The following ADSL variants were observed in gnomAD, a reference collection of about 807,000 sequenced individuals.
ADSL encodes the protein adenylosuccinate lyase.
Under a neutral mutation model 62.1 loss-of-function variants are expected in ADSL, and 44 were observed. The ratio of observed to expected loss-of-function variants is 0.71; its 90% confidence interval spans 0.56 to 0.91. The LOEUF (loss-of-function observed/expected upper bound fraction) is 0.91, where lower values mean the gene tolerates loss of function less well. ADSL is among the 40% of genes least tolerant of loss of function. The pLI, the probability that ADSL is intolerant of heterozygous loss-of-function variation, is 0.00. For missense variants in ADSL, 531 were observed against 627.4 expected (o/e 0.85, Z 1.64); for synonymous variants, 198 against 220.5 (o/e 0.90, Z 0.90).
chr22:40,364,946 G>T lies in ADSL; in HGVS notation c.1258G>T (p.Asp420Tyr). 1 of 1,614,192 alleles carries T rather than the reference G, an allele frequency of 6.2e-7. No homozygotes were observed. The highest frequency in any genetic ancestry group is 8.5e-7 in the Non-Finnish European group (1 of 1,180,036). The change falls in exon 12 of 13, where the codon GAC becomes TAC. Residue 420 changes from aspartate to tyrosine, a missense_variant. Asp to Tyr is a radical substitution (Grantham distance 160). Around this residue, in one of 2 missense-constraint regions of ADSL, gnomAD observed 471 missense variants for 592.9 expected, o/e 0.79. Transcript: ENST00000623063. ...AASVVKQEGG[D>Y]NDLIERIQVD... ...TTCTGTGGTTAAGCAGGAAGGGGGT[G>T]ACAATGACCTCATAGAGCGTATCCA...
In ADSL at chr22:40,349,940, G is replaced by T. The variant is rs1329100297; in HGVS notation, c.262G>T (p.Val88Leu). ...GGAAGAGAAACGTTTACGACATGATGTGATGGCTCACGTGCACACATTTGG... is the reference window on the plus strand; with the variant it reads ...GGAAGAGAAACGTTTACGACATGATTTGATGGCTCACGTGCACACATTTGG... ...AEEEKRLRHD[V>L]MAHVHTFGHC... The change falls in exon 2 of 13, where the codon GTG becomes TTG. Residue 88 changes from valine to leucine, a missense_variant. Transcript: ENST00000623063. 2.5e-6 allele frequency: 4 copies of T among 1,614,084 alleles called. No homozygotes were observed. The African/African-American group carries it at 5.3e-5, about 22-fold the overall frequency.
At chr22:40,381,300 A>G (rs1471582542) in intron 2 of ADSL, among the ~76,000 whole-genome samples, 1 of 152,040 alleles carries the variant, frequency 6.6e-6, no homozygotes, top group Non-Finnish European at 1.5e-5. Flanking sequence ...GGTGTGCACC[A>G]CCACACTCAG....
At chr22:40,348,121 G>C (rs989194763) in intron 1 of ADSL, among the ~76,000 whole-genome samples, 2 of 152,192 alleles carry the variant, frequency 1.3e-5, no homozygotes, top group African/African-American at 2.4e-5. Flanking sequence ...TAATAACTTA[G>C]TAGCTAAGAA....
downstream of ADSL, among the ~76,000 whole-genome samples, chr22:40,374,351 CTG>C (rs2046172333): frequency 6.6e-6 from 1 of 152,194 alleles, no homozygotes; most frequent in Non-Finnish European, 1.5e-5. Flanking sequence ...TTGGTCTAGA[CTG>C]TAGTGTCAAG....
chr22:40,361,582 A>G lies in ADSL; in HGVS notation c.957A>G (p.Leu319=), dbSNP rs1601589719. The G allele has an allele frequency of 6.2e-7, 1 of 1,614,228 alleles. No homozygotes were observed. The highest frequency in any genetic ancestry group is 1.1e-5 in the South Asian group (1 of 91,082). ...RHLMTLVMDP[L]QTASVQWFER... ...TGATGACCCTTGTCATGGACCCGCT[A>G]CAGACAGCATCTGTCCAGTGGTTTG... Residue 319 remains leucine, a synonymous_variant, in exon 9 of 13, where the codon CTA becomes CTG. Transcript: ENST00000623063.
At chr22:40,374,478 T>C (rs918189229) in intron 2 of ADSL, among the ~76,000 whole-genome samples, 5 of 152,226 alleles carry the variant, frequency 3.3e-5, no homozygotes, top group African/African-American at 1.2e-4. Context: ...TGAGCTACAA[T>C]TTCTTCTTTG....
At chr22:40,386,025 G>GT (rs68008146) in intron 2 of ADSL, among the ~76,000 whole-genome samples, 7,897 of 145,060 alleles carry the variant, frequency 0.054, 243 homozygotes, top group Non-Finnish European at 0.079. Flanking sequence ...CTAATTTTTT[G>GT]TTTTTTTTTT....
chr22:40,358,408 A>AC (rs71326801), intron 4 of ADSL, among the ~76,000 whole-genome samples: 1 of 151,996 alleles, frequency 6.6e-6, no homozygotes, highest in African/African-American at 2.4e-5. Flanking sequence ...ACAAAGTGAG[A>AC]CCCCGTCACT....
rs1204275119 is a variant in ADSL at position 40,367,522 on chromosome 22, T to G, written c.*1000T>G. On this transcript the variant is annotated 3_prime_UTR_variant, in exon 13 of 13. Coordinates refer to ENST00000623063, the MANE Select transcript of ADSL (RefSeq NM_000026.4). ...TTGTCTGTGTCATTCCTTGTTGTAT[T>G]TCCAATAGCAAGAGCACATCAGATA... The G allele has an allele frequency of 1.2e-5, 2 of 167,754 alleles. No homozygotes were observed. Among genetic ancestry groups the G allele is most frequent in the South Asian group, 4.1e-4 (2 of 4,824 alleles). The allele number at this position is 167,754 out of a possible 1,614,324, so 10.4% of individuals were successfully genotyped here. A position where few individuals can be genotyped will look rare whatever the true frequency, so the allele number is the denominator to read the frequency against.
chr22:40,383,470 A>G (rs2146822822), intron 2 of ADSL, among the ~76,000 whole-genome samples: 2 of 151,746 alleles, frequency 1.3e-5, no homozygotes, highest in Middle Eastern at 6.8e-3. Flanking sequence ...CTGTCTCAAA[A>G]AAAAAAAAAA....
chr22:40,371,500 A>G (rs997477420), downstream of ADSL, among the ~76,000 whole-genome samples: 2 of 152,146 alleles, frequency 1.3e-5, no homozygotes, highest in African/African-American at 4.8e-5. Flanking sequence ...CTGATTCACA[A>G]AAACTCATTT....
At chr22:40,356,693 G>A (rs1410516373) in intron 4 of ADSL, among the ~76,000 whole-genome samples, 1 of 150,662 alleles carries the variant, frequency 6.6e-6, no homozygotes, top group African/African-American at 2.4e-5. Context: ...AAAAAATAAA[G>A]TTAGCCAGGT....
chr22:40,371,091 A>G (rs946044112), downstream of ADSL, among the ~76,000 whole-genome samples: 9 of 152,168 alleles, frequency 5.9e-5, no homozygotes, highest in Admixed American at 2.6e-4. Context: ...ACTCCTCCTC[A>G]GGTTTAACTT....
chr22:40,376,484 A>G (rs1389707324), intron 2 of ADSL: 1 of 152,162 alleles, frequency 6.6e-6, no homozygotes, highest in East Asian at 1.9e-4. Flanking sequence ...TCGAGAACTT[A>G]CAAGTTATCT....
chr22:40,361,017 T>G, intron 7 of ADSL: 1 of 541,078 alleles, frequency 1.8e-6, no homozygotes, highest in South Asian at 1.9e-5. Context: ...AATCTTGTGA[T>G]TTTCTTTCCA....
chr22:40,349,796 C>T, intron 1 of ADSL, 36 bp from the exon 2 acceptor site: 1 of 1,580,896 alleles, frequency 6.3e-7, no homozygotes, highest in Non-Finnish European at 8.7e-7. Flanking sequence ...AACTGTGACA[C>T]TGAGACTATT....
chr22:40,354,832 G>C (rs2044488043), intron 4 of ADSL, among the ~76,000 whole-genome samples: 1 of 148,888 alleles, frequency 6.7e-6, no homozygotes, highest in Admixed American at 6.8e-5. Context: ...TCGCACCACT[G>C]CATTCCAGTT....
Position 40,349,967 on chromosome 22 carries a change from C to T in ADSL, c.289C>T (p.His97Tyr), listed in dbSNP as rs757135310. 6.2e-7 allele frequency: 1 copy of T among 1,614,118 alleles called. No homozygotes were observed. The change falls in exon 2 of 13, where the codon CAC becomes TAC. Residue 97 changes from histidine (H) to tyrosine (Y), a missense_variant. Physicochemically the swap from His to Tyr is moderately conservative, Grantham distance 83. This residue lies in a region of ADSL where 471 missense variants were observed against 592.9 expected (regional missense o/e 0.79). Coordinates refer to ENST00000623063, the MANE Select transcript of ADSL (RefSeq NM_000026.4). Reference sequence around the variant, plus strand: ...GATGGCTCACGTGCACACATTTGGCCACTGCTGTCCAAAAGCTGCAGGCAT... The same window carrying T: ...GATGGCTCACGTGCACACATTTGGCTACTGCTGTCCAAAAGCTGCAGGCAT... Reference protein sequence around the residue: ...DVMAHVHTFGHCCPKAAGIIH... With the variant: ...DVMAHVHTFGYCCPKAAGIIH...
chr22:40,372,725 TG>T (rs1427965809), downstream of ADSL: 1 of 152,208 alleles, frequency 6.6e-6, no homozygotes, highest in African/African-American at 2.4e-5. Context: ...TTTCTATGCC[TG>T]GAGTGGATGT....
Sources: allele counts gnomAD v4.1 joint callset (sites outside exome capture counted in the v4.1 genomes callset), GRCh38; gene constraint gnomAD v4.1.1; regional missense constraint gnomAD v4.1.1; transcripts MANE v1.5; gene names NCBI Gene and HGNC (gene_info 2026-07-23, HGNC 2026-07-21).